MON2: variants seen among roughly 807,000 people sequenced by gnomAD.
MON2 encodes the protein protein MON2 homolog.
Under a neutral mutation model 208.6 loss-of-function variants are expected in MON2, and 84 were observed. That is an observed-to-expected ratio of 0.40 (90% CI 0.34 to 0.48). The LOEUF (loss-of-function observed/expected upper bound fraction) is 0.48, where lower values mean the gene tolerates loss of function less well. MON2 is among the 20% of genes least tolerant of loss of function. MON2 has a pLI of 0.59. For missense variants in MON2, 1,611 were observed against 2,015.4 expected (o/e 0.80, Z 3.84); for synonymous variants, 660 against 694.0 (o/e 0.95, Z 0.77).
In MON2 at chr12:62,595,176, G is replaced by T. The variant is rs1417460024; in HGVS notation, c.*2427G>T. ...TTTTTTTCATTTGAGACGGAGTCTC[G>T]CTCTGTCACCCAGGCTGGAATGCAG... On this transcript the variant is annotated 3_prime_UTR_variant, in exon 35 of 35. Coordinates refer to ENST00000393630, the MANE Select transcript of MON2 (RefSeq NM_015026.3). 2.0e-5 allele frequency: 3 copies of T among 147,104 alleles called. No homozygotes were observed. Among genetic ancestry groups the T allele is most frequent in the African/African-American group, 7.6e-5 (3 of 39,630 alleles). 9.1% of individuals were successfully genotyped at this position (147,104 alleles called of 1,614,324 possible). A position where few individuals can be genotyped will look rare whatever the true frequency, so the allele number is the denominator to read the frequency against.
intron 4 of MON2, among the ~76,000 whole-genome samples, chr12:62,497,172 G>A (rs1428160074): frequency 1.7e-4 from 22 of 129,140 alleles, no homozygotes; most frequent in Admixed American, 6.3e-4. Flanking sequence ...TTGGGGGAGG[G>A]GGGAGGGGGG....
intron 2 of MON2, among the ~76,000 whole-genome samples, chr12:62,486,641 TAGTC>T (rs1474543167): frequency 1.3e-5 from 2 of 152,190 alleles, no homozygotes; most frequent in African/African-American, 4.8e-5. Context: ...GAGTTTAAAT[TAGTC>T]AGTATATAGT....
intron 1 of MON2, among the ~76,000 whole-genome samples, chr12:62,476,147 T>C (rs1227575826): frequency 1.3e-5 from 2 of 152,128 alleles, no homozygotes; most frequent in Non-Finnish European, 2.9e-5. Flanking sequence ...AAGCCAGAGG[T>C]TCTAGAATAG....
intron 12 of MON2, among the ~76,000 whole-genome samples, chr12:62,532,889 A>T (rs779693474): frequency 2.0e-5 from 3 of 152,118 alleles, no homozygotes; most frequent in Non-Finnish European, 2.9e-5. Context: ...CTACCCTTTA[A>T]TGCATCAGTG....
intron 32 of MON2, among the ~76,000 whole-genome samples, chr12:62,583,729 A>T (rs1188370502): frequency 6.6e-6 from 1 of 151,558 alleles, no homozygotes; most frequent in Non-Finnish European, 1.5e-5. Flanking sequence ...TGGGTGGATC[A>T]CTTGAAGTCA....
In MON2 at chr12:62,494,973, T is replaced by C. The variant is rs758055141; in HGVS notation, c.304-43T>C. On this transcript the variant is annotated intron_variant, in intron 3 of 34. Coordinates refer to ENST00000393630, the MANE Select transcript of MON2 (RefSeq NM_015026.3). ...TCTCTTATTTAGGGACATCAACATC[T>C]ATATTGTATTTGTTGACAATAATTA... The C allele has an allele frequency of 1.6e-5, 24 of 1,465,938 alleles. No homozygotes were observed. The South Asian group carries it at 3.0e-4, about 18-fold the overall frequency. 90.8% of individuals were successfully genotyped at this position (1,465,938 alleles called of 1,614,324 possible).
chr12:62,476,915 T>C (rs1263428258), intron 1 of MON2, among the ~76,000 whole-genome samples: 2 of 152,052 alleles, frequency 1.3e-5, no homozygotes, highest in African/African-American at 4.8e-5. Context: ...CCTGGGACTT[T>C]GGGAGGCGAA....
intron 1 of MON2, among the ~76,000 whole-genome samples, chr12:62,478,123 G>T (rs1190972746): frequency 1.4e-5 from 2 of 145,126 alleles, no homozygotes; most frequent in African/African-American, 5.1e-5. Context: ...GATATAATTT[G>T]TGTGTGTGTG....
At chr12:62,477,450 G>A (rs1026458320) in intron 1 of MON2, among the ~76,000 whole-genome samples, 8 of 152,042 alleles carry the variant, frequency 5.3e-5, no homozygotes, top group African/African-American at 1.4e-4. Flanking sequence ...TGTTGAGACA[G>A]GGTCTTTCTC....
intron 25 of MON2, among the ~76,000 whole-genome samples, chr12:62,556,456 G>A (rs909395222): frequency 6.6e-6 from 1 of 152,164 alleles, no homozygotes; most frequent in Non-Finnish European, 1.5e-5. Flanking sequence ...CTACAATGAT[G>A]TGTTACAAGG....
intron 33 of MON2, among the ~76,000 whole-genome samples, chr12:62,587,578 T>TA (rs559589798): frequency 7.6e-4 from 107 of 140,966 alleles, no homozygotes; most frequent in South Asian, 1.4e-3. Flanking sequence ...GTTTCTACTT[T>TA]AAAAAAAAAA....
At chr12:62,502,633 G>C (rs967749265) in intron 7 of MON2, among the ~76,000 whole-genome samples, 2 of 152,068 alleles carry the variant, frequency 1.3e-5, no homozygotes, top group Non-Finnish European at 2.9e-5. Context: ...ATATTTAAAA[G>C]CTTAAAGAAA....
chr12:62,537,746 T>G (rs2073044830), intron 16 of MON2, 40 bp downstream of exon 16: 1 of 1,423,660 alleles, frequency 7.0e-7, no homozygotes, highest in Admixed American at 1.9e-5. Context: ...GTGTTGTTTT[T>G]ATATATAATT....
intron 25 of MON2, 164 bp from the exon 26 acceptor site, chr12:62,560,327 A>T: frequency 1.6e-6 from 1 of 642,384 alleles, no homozygotes; most frequent in Non-Finnish European, 2.5e-6. Flanking sequence ...AGGTTGTGAT[A>T]ATTTTAATTC....
chr12:62,494,144 A>AC (rs1191567361), intron 3 of MON2, 102 bp downstream of exon 3: 10 of 1,087,998 alleles, frequency 9.2e-6, no homozygotes, highest in Non-Finnish European at 1.3e-5. Flanking sequence ...AACTTTTACA[A>AC]ATAGCAATGT....
intron 1 of MON2, among the ~76,000 whole-genome samples, chr12:62,474,050 T>G (rs894842435): frequency 2.4e-5 from 3 of 125,240 alleles, no homozygotes. Flanking sequence ...CATTTCCAGC[T>G]GCACATCAAA....
chr12:62,552,857 A>C, intron 23 of MON2, 24 bp from the exon 24 acceptor site: 3 of 1,587,174 alleles, frequency 1.9e-6, no homozygotes, highest in Non-Finnish European at 2.6e-6. Context: ...GGATGAACTA[A>C]TATTTTTCTA....
intron 25 of MON2, 22 bp downstream of exon 25, chr12:62,556,214 A>G: frequency 6.2e-7 from 1 of 1,603,996 alleles, no homozygotes; most frequent in Non-Finnish European, 8.5e-7. Flanking sequence ...TTTTTTTCTG[A>G]TTATACAAGT....
At chr12:62,568,057 C>T (rs1034414568) in intron 29 of MON2, among the ~76,000 whole-genome samples, 10 of 152,056 alleles carry the variant, frequency 6.6e-5, no homozygotes, top group African/African-American at 2.4e-4. Context: ...CTCTGAAAGA[C>T]AAAAAACTAA....
Sources: gnomAD v4.1 joint callset for allele counts (sites outside exome capture counted in the v4.1 genomes callset) on GRCh38, gnomAD v4.1.1 for gene constraint, MANE v1.5 for transcripts, NCBI Gene and HGNC (gene_info 2026-07-23, HGNC 2026-07-21) for gene names.